Variants in STUM observed in about 807,000 individuals in gnomAD.
The protein encoded by STUM is stum, mechanosensory transduction mediator homolog.
Under a neutral mutation model 15.3 loss-of-function variants are expected in STUM, and 8 were observed. The observed-to-expected ratio is 0.52, with a 90% CI of 0.31 to 0.94. The LOEUF is 0.94. STUM is among the 40% of genes least tolerant of loss of function. STUM has a pLI of 0.05. For synonymous variants in STUM, 78 were observed against 88.7 expected, an observed-to-expected ratio of 0.88 and a Z score of 0.68; for missense variants, 142 against 204.9, an observed-to-expected ratio of 0.69 and a Z score of 1.87.
In STUM at chr1:226,565,846, TG is replaced by T. The variant is rs1393926286; in HGVS notation, c.202+16741del. 6.6e-6 allele frequency among the ~76,000 whole-genome samples: 1 copy of T among 152,236 alleles called. No homozygotes were observed. The highest frequency in any genetic ancestry group is 1.5e-5 in the Non-Finnish European group (1 of 68,040). On this transcript the variant is annotated intron_variant, in intron 1 of 3. Transcript: ENST00000366788. The surrounding 1 kb of genome is among the most constrained non-coding windows in gnomAD (Gnocchi z 4.4). ...AAACCCAGATGGCTGGAAGCATCGC[TG>T]CCTTCCCGGAATGTCATCTCCCTCT...
intron 1 of STUM, among the ~76,000 whole-genome samples, chr1:226,595,183 A>G (rs1668159266): frequency 6.6e-6 from 1 of 152,230 alleles, no homozygotes; most frequent in Admixed American, 6.5e-5. Flanking sequence ...TCCAAAGTTC[A>G]AAAGCTGAAG....
chr1:226,586,287 C>T (rs756233146), intron 1 of STUM, among the ~76,000 whole-genome samples: 3 of 152,170 alleles, frequency 2.0e-5, no homozygotes, highest in Non-Finnish European at 4.4e-5. Flanking sequence ...TGGCTATGAA[C>T]TCCCACTGGT....
intron 1 of STUM, among the ~76,000 whole-genome samples, chr1:226,592,151 G>T (rs970330109): frequency 6.6e-6 from 1 of 152,162 alleles, no homozygotes; most frequent in Non-Finnish European, 1.5e-5. Context: ...GGCTTCAAAC[G>T]ATTCTTCTGC....
intron 1 of STUM, among the ~76,000 whole-genome samples, chr1:226,594,893 C>T (rs1271074094): frequency 6.6e-6 from 1 of 152,186 alleles, no homozygotes; most frequent in Non-Finnish European, 1.5e-5. Flanking sequence ...TAACCTCAGG[C>T]GATCTGCCCG....
intron 1 of STUM, among the ~76,000 whole-genome samples, chr1:226,583,645 T>TC (rs1399175111): frequency 1.3e-5 from 2 of 152,154 alleles, no homozygotes; most frequent in Non-Finnish European, 1.5e-5. Flanking sequence ...TTCTCTTTCC[T>TC]CACAGCTCTG....
chr1:226,590,489 C>A (rs1054556044), intron 1 of STUM, among the ~76,000 whole-genome samples: 3 of 152,180 alleles, frequency 2.0e-5, no homozygotes, highest in Non-Finnish European at 4.4e-5. Context: ...TCCCCTGTCC[C>A]CTTTGTGGTC....
At chr1:226,595,845 TC>T (rs1285078913) in intron 1 of STUM, among the ~76,000 whole-genome samples, 1 of 152,192 alleles carries the variant, frequency 6.6e-6, no homozygotes, top group Non-Finnish European at 1.5e-5. Context: ...CCCTGGAGCC[TC>T]CAGAAGGACT....
chr1:226,575,807 A>G (rs972141155), intron 1 of STUM, among the ~76,000 whole-genome samples: 2 of 152,346 alleles, frequency 1.3e-5, no homozygotes, highest in South Asian at 2.1e-4. Context: ...GCACGCCAAT[A>G]GATAGTCAGC....
intron 2 of STUM, among the ~76,000 whole-genome samples, chr1:226,597,792 G>A (rs936693370): frequency 1.1e-4 from 16 of 152,348 alleles, no homozygotes; most frequent in Admixed American, 3.3e-4. Context: ...GGTCAGATGG[G>A]CTGCCCGGAA....
At chr1:226,553,212 A>G (rs1044861207) in intron 1 of STUM, among the ~76,000 whole-genome samples, 1 of 152,242 alleles carries the variant, frequency 6.6e-6, no homozygotes, top group South Asian at 2.1e-4. Context: ...ATGAGAGAGT[A>G]GTTACTTTTC....
At chr1:226,572,585 C>T (rs534144279) in intron 1 of STUM, among the ~76,000 whole-genome samples, 45 of 152,248 alleles carry the variant, frequency 3.0e-4, no homozygotes, top group African/African-American at 9.6e-4. Context: ...CAGGGCCTCC[C>T]GGTGGATTAA....
chr1:226,548,829 C>T lies in STUM; in HGVS notation c.-76C>T. On this transcript the variant is annotated 5_prime_UTR_variant, in exon 1 of 4. Transcript: ENST00000366788. ...TCGGCGCGGAGCCCGGAGCCCGCAG[C>T]CGACAGTCTCCTGCTCCCGTACGCT... The T allele has an allele frequency of 8.6e-7, 1 of 1,166,402 alleles. No homozygotes were observed. The highest frequency in any genetic ancestry group is 1.1e-6 in the Non-Finnish European group (1 of 927,342). The allele number at this position is 1,166,402 out of a possible 1,614,324, so 72.3% of individuals were successfully genotyped here. A position where few individuals can be genotyped will look rare whatever the true frequency, so the allele number is the denominator to read the frequency against.
At chr1:226,554,071 A>C (rs1667412150) in intron 1 of STUM, among the ~76,000 whole-genome samples, 1 of 152,230 alleles carries the variant, frequency 6.6e-6, no homozygotes, top group Admixed American at 6.5e-5. Context: ...CGGTTTGGCC[A>C]CGTGACTCGC....
chr1:226,596,685 G>A lies in STUM; in HGVS notation c.203-117G>A, dbSNP rs3738714. On this transcript the variant is annotated intron_variant, in intron 1 of 3. Transcript: ENST00000366788. ...TCAGAGGACAGGGTGCCAGACATCG[G>A]TGGTTCTTCTCTGAGTTCTTGGAGG... 48 of 897,610 alleles carry A rather than the reference G, an allele frequency of 5.3e-5. No homozygotes were observed. The East Asian group carries it at 1.0e-3, about 19-fold the overall frequency. The allele number at this position is 897,610 out of a possible 1,614,324, so 55.6% of individuals were successfully genotyped here. A position where few individuals can be genotyped will look rare whatever the true frequency, so the allele number is the denominator to read the frequency against.
chr1:226,564,387 T>G (rs1667587547), intron 1 of STUM, among the ~76,000 whole-genome samples: 1 of 152,186 alleles, frequency 6.6e-6, no homozygotes, highest in Non-Finnish European at 1.5e-5. Flanking sequence ...CTCCCAGGCC[T>G]ATTTCCATCT....
At position 226,565,720 on chromosome 1, in the gene STUM, C is replaced by G. The variant is rs1268485735; in HGVS notation, c.202+16614C>G. On this transcript the variant is annotated intron_variant, in intron 1 of 3. Transcript: ENST00000366788. The surrounding 1 kb of genome is among the most constrained non-coding windows in gnomAD (Gnocchi z 4.4). ...TAGTTCTGCATACCCCCCATCCTCC[C>G]GTCTCTCGCCCACGCTTGGCTCAGA... Among the ~76,000 whole-genome samples, 4 of 152,200 alleles carry G rather than the reference C, an allele frequency of 2.6e-5. No homozygotes were observed. The highest frequency in any genetic ancestry group is 6.5e-5 in the Admixed American group (1 of 15,284).
chr1:226,568,919 G>C (rs935280347), intron 1 of STUM, among the ~76,000 whole-genome samples: 11 of 131,058 alleles, frequency 8.4e-5, no homozygotes, highest in Non-Finnish European at 1.6e-4. Flanking sequence ...GTTAAGAGGA[G>C]GTGGGGTGGC....
At chr1:226,556,987 A>G (rs1253134105) in intron 1 of STUM, among the ~76,000 whole-genome samples, 1 of 152,234 alleles carries the variant, frequency 6.6e-6, no homozygotes, top group Non-Finnish European at 1.5e-5. Flanking sequence ...TGGTGAGGAC[A>G]TTTGAAGTTT....
intron 1 of STUM, among the ~76,000 whole-genome samples, chr1:226,564,684 C>G (rs1271237603): frequency 6.6e-6 from 1 of 152,160 alleles, no homozygotes; most frequent in Non-Finnish European, 1.5e-5. Context: ...AGTGGAGGGC[C>G]CACTGCAGGG....
Sources: gnomAD v4.1 joint callset for allele counts (sites outside exome capture counted in the v4.1 genomes callset) on GRCh38, gnomAD v4.1.1 for gene constraint, Gnocchi (gnomAD v3.1) non-coding constraint, MANE v1.5 for transcripts, NCBI Gene and HGNC (gene_info 2026-07-23, HGNC 2026-07-21) for gene names.